ICE2: variants seen among roughly 807,000 people sequenced by gnomAD.
ICE2 encodes little elongation complex subunit 2.
Under a neutral mutation model 105.4 loss-of-function variants are expected in ICE2, and 87 were observed. The observed-to-expected ratio is 0.83, with a 90% CI of 0.69 to 0.99. ICE2 has a LOEUF of 0.99. ICE2 is among the 50% of genes least tolerant of loss of function. ICE2 has a pLI of 0.00. For missense variants in ICE2, 1,323 were observed against 1,146.7 expected (o/e 1.15, Z -2.22); for synonymous variants, 399 against 392.0 (o/e 1.02, Z -0.21).
intron 13 of ICE2, among the ~76,000 whole-genome samples, chr15:60,433,330 C>G (rs1211527054): frequency 6.6e-6 from 1 of 151,960 alleles, no homozygotes; most frequent in Non-Finnish European, 1.5e-5. Context: ...TCATGATCCA[C>G]CCGCCTCAGC....
At chr15:60,426,529 C>G (rs1453784766) in intron 15 of ICE2, among the ~76,000 whole-genome samples, 2 of 152,166 alleles carry the variant, frequency 1.3e-5, no homozygotes, top group African/African-American at 4.8e-5. Context: ...TGATACATGA[C>G]TACAAATTGT....
chr15:60,465,156 C>G (rs1294889390), intron 5 of ICE2, among the ~76,000 whole-genome samples: 1 of 151,964 alleles, frequency 6.6e-6, no homozygotes, highest in Non-Finnish European at 1.5e-5. Flanking sequence ...TCTTCTGGTT[C>G]GTATTAACAG....
chr15:60,452,307 A>G, intron 9 of ICE2: 2 of 880,606 alleles, frequency 2.3e-6, no homozygotes, highest in Non-Finnish European at 2.7e-6. Flanking sequence ...AAGTACAAGA[A>G]AAACATTTTT....
At chr15:60,477,775 A>C (rs1434217460) in intron 2 of ICE2, among the ~76,000 whole-genome samples, 162 bp downstream of exon 2, 1 of 152,238 alleles carries the variant, frequency 6.6e-6, no homozygotes, top group African/African-American at 2.4e-5. Flanking sequence ...CCATAACTCT[A>C]GCATTCCGTA....
At chr15:60,428,283 A>T in intron 15 of ICE2, 146 bp downstream of exon 15, 1 of 920,398 alleles carries the variant, frequency 1.1e-6, no homozygotes, top group Middle Eastern at 2.4e-4. Context: ...ATGGCATACA[A>T]CTTTATCCTT....
chr15:60,458,860 A>C (rs187740790), intron 5 of ICE2, among the ~76,000 whole-genome samples: 342 of 152,260 alleles, frequency 2.2e-3, no homozygotes, highest in Middle Eastern at 0.01. Flanking sequence ...CCAGTCACAA[A>C]AAGACAGATA....
rs1426472256 is a variant in ICE2 at position 60,422,018 on chromosome 15, T to G, written c.*1616A>C. On this transcript the variant is annotated 3_prime_UTR_variant, in exon 16 of 16. Transcript: ENST00000261520. The stretch of plus-strand genomic sequence containing the variant: ...ATAGCTATTCTTTACACAGAATAGC[T>G]AAAAAATTTCAATGTGAAGCAATTA... 6.6e-6 allele frequency: 1 copy of G among 152,026 alleles called. No individual in the cohort carries two copies. Among genetic ancestry groups the G allele is most frequent in the Non-Finnish European group, 1.5e-5 (1 of 68,006 alleles). 9.4% of individuals were successfully genotyped at this position (152,026 alleles called of 1,614,324 possible).
rs547101442 is a variant in ICE2 at position 60,479,135 on chromosome 15, G to A, written c.-225C>T. The A allele has an allele frequency of 1.5e-5, 6 of 406,706 alleles. No individual in the cohort carries two copies. Among genetic ancestry groups the A allele is most frequent in the Admixed American group, 7.5e-5 (3 of 39,910 alleles). The allele number at this position is 406,706 out of a possible 1,614,324, so 25.2% of individuals were successfully genotyped here. On this transcript the variant is annotated 5_prime_UTR_variant, in exon 1 of 16. In the 5' UTR this introduces an upstream ATG that the reference lacks. Transcript: ENST00000261520. The stretch of plus-strand genomic sequence containing the variant: ...TGTGGCCGCGCCGACTCGGCCCTGC[G>A]TGATGACGTCTCAGCGACATAGTGG...
intron 3 of ICE2, 113 bp downstream of exon 3, chr15:60,475,950 A>G (rs1339668256): frequency 1.5e-6 from 1 of 683,966 alleles, no homozygotes; most frequent in African/African-American, 1.9e-5. Context: ...AAGTTGTTTT[A>G]CTTTAAACAT....
At chr15:60,461,040 C>T (rs2064262479) in intron 5 of ICE2, among the ~76,000 whole-genome samples, 1 of 139,506 alleles carries the variant, frequency 7.2e-6, no homozygotes, top group Non-Finnish European at 1.5e-5. Context: ...GCAGTAGATA[C>T]TAGTAGCATT....
chr15:60,471,033 T>A (rs28460375), intron 3 of ICE2, among the ~76,000 whole-genome samples: 3 of 152,206 alleles, frequency 2.0e-5, no homozygotes, highest in Non-Finnish European at 4.4e-5. Context: ...AACTTTATAA[T>A]ACTAGAATAA....
intron 2 of ICE2, 150 bp from the exon 3 acceptor site, chr15:60,476,317 A>C: frequency 5.1e-6 from 3 of 582,712 alleles, no homozygotes; most frequent in Admixed American, 6.8e-5. Context: ...AATTTCATAT[A>C]CCAGATCTGT....
chr15:60,455,179 A>AT lies in ICE2; in HGVS notation c.784-18_784-17insA, dbSNP rs772517274. The AT allele has an allele frequency of 2.9e-5, 45 of 1,559,554 alleles. 1 individual carries two copies. In the South Asian group the frequency reaches 4.5e-4, roughly 16 times the overall value. ...ACTAATATCCTGAAAAACAACAAGTAATTTGTTACTTGGTTATACTTATTG... is the reference window on the plus strand; with the variant it reads ...ACTAATATCCTGAAAAACAACAAGTATATTTGTTACTTGGTTATACTTATTG... On this transcript the variant is annotated splice_polypyrimidine_tract_variant and intron_variant, in intron 7 of 15. Coordinates refer to ENST00000261520, the MANE Select transcript of ICE2 (RefSeq NM_024611.6).
chr15:60,455,859 C>T (rs1418844278), intron 6 of ICE2, among the ~76,000 whole-genome samples: 1 of 152,068 alleles, frequency 6.6e-6, no homozygotes, highest in African/African-American at 2.4e-5. Context: ...CTCAAGTGAT[C>T]CGCCTGCCTC....
intron 12 of ICE2, chr15:60,440,733 A>T (rs1415297555): frequency 6.6e-6 from 1 of 152,140 alleles, no homozygotes; most frequent in Non-Finnish European, 1.5e-5. Flanking sequence ...GAGTATTATA[A>T]CATTTTTAAA....
rs12907350 is a variant in ICE2, at chr15:60,421,216, A to T, written c.*2418T>A. The stretch of plus-strand genomic sequence containing the variant: ...CTAAGTCTGATTTAAAAAAAAAAAA[A>T]AAACTTGCTCATTTTTTGAGATAGG... On this transcript the variant is annotated 3_prime_UTR_variant, in exon 16 of 16. Coordinates refer to ENST00000261520, the MANE Select transcript of ICE2 (RefSeq NM_024611.6). 1 of 151,700 alleles carries T rather than the reference A, an allele frequency of 6.6e-6. No individual in the cohort carries two copies. Among genetic ancestry groups the T allele is most frequent in the Non-Finnish European group, 1.5e-5 (1 of 67,972 alleles). 9.4% of individuals were successfully genotyped at this position (151,700 alleles called of 1,614,324 possible). A position where few individuals can be genotyped will look rare whatever the true frequency, so the allele number is the denominator to read the frequency against.
intron 5 of ICE2, among the ~76,000 whole-genome samples, chr15:60,462,121 C>T (rs1047235201): frequency 6.6e-6 from 1 of 152,100 alleles, no homozygotes; most frequent in African/African-American, 2.4e-5. Flanking sequence ...TATTCTGCTA[C>T]ATGGTAAGCT....
chr15:60,476,289 T>G (rs1056961883), intron 2 of ICE2, 122 bp from the exon 3 acceptor site: 8 of 634,288 alleles, frequency 1.3e-5, no homozygotes, highest in Admixed American at 3.1e-5. Context: ...CCCCAGACAA[T>G]CTCTTCTTAC....
intron 9 of ICE2, chr15:60,451,933 CCTCA>C (rs2063976504): frequency 3.3e-6 from 1 of 304,992 alleles, no homozygotes; most frequent in African/African-American, 2.3e-5. Context: ...CCCTACAATT[CCTCA>C]CTATCTTGTT....
Sources: gnomAD v4.1 joint callset for allele counts (sites outside exome capture counted in the v4.1 genomes callset) on GRCh38, gnomAD v4.1.1 for gene constraint, MANE v1.5 for transcripts, NCBI Gene and HGNC (gene_info 2026-07-23, HGNC 2026-07-21) for gene names.